Variants in DEFB1 observed in about 807,000 individuals in gnomAD.
The protein encoded by DEFB1 is beta-defensin 1.
A neutral mutation model predicts 2.6 loss-of-function variants in DEFB1; 4 were observed. The ratio of observed to expected loss-of-function variants is 1.53; its 90% confidence interval spans 0.76 to 3.51. The LOEUF is 3.51. Ranked by LOEUF, DEFB1 falls within the 30% of genes most tolerant of loss-of-function variation. The pLI is 0.01. For synonymous variants in DEFB1, 56 were observed against 28.5 expected (o/e 1.96, Z -3.07); for missense variants, 162 against 76.9 (o/e 2.11, Z -4.14).
intron 1 of DEFB1, among the ~76,000 whole-genome samples, chr8:6,873,518 G>A (rs1455531306): frequency 6.6e-6 from 1 of 152,170 alleles, no homozygotes; most frequent in African/African-American, 2.4e-5. Context: ...AGGAGACTAC[G>A]CAGCCATAAA....
intron 1 of DEFB1, among the ~76,000 whole-genome samples, chr8:6,871,080 C>T (rs990549632): frequency 6.6e-6 from 1 of 152,224 alleles, no homozygotes; most frequent in Non-Finnish European, 1.5e-5. Context: ...GGGTTTTCTT[C>T]TGCTGAGAGA....
intron 1 of DEFB1, among the ~76,000 whole-genome samples, chr8:6,876,864 A>C (rs1313805854): frequency 9.9e-5 from 15 of 150,762 alleles, no homozygotes; most frequent in African/African-American, 3.2e-4. Context: ...AAACAAAAAA[A>C]CAAAATCCAT....
intron 1 of DEFB1, among the ~76,000 whole-genome samples, chr8:6,877,142 T>G (rs1370836952): frequency 6.6e-6 from 1 of 152,120 alleles, no homozygotes; most frequent in Non-Finnish European, 1.5e-5. Context: ...AGGGCTGGGA[T>G]AAAACATGTT....
rs180984076 is a variant in DEFB1, at chr8:6,874,056, G to A, written c.62-3230C>T. Reference sequence around the variant, plus strand: ...TAGTGTAATCTAAATGCTTCTGAAGGTTTTTGTTTTCCAATAATTGTGGAC... The same window carrying A: ...TAGTGTAATCTAAATGCTTCTGAAGATTTTTGTTTTCCAATAATTGTGGAC... On this transcript the variant is annotated intron_variant, in intron 1 of 1. Transcript: ENST00000297439. 7.9e-5 allele frequency among the ~76,000 whole-genome samples: 12 copies of A among 152,020 alleles called. No homozygotes were observed. The East Asian group carries it at 1.4e-3, about 17-fold the overall frequency.
intron 1 of DEFB1, among the ~76,000 whole-genome samples, chr8:6,873,008 C>T (rs964853176): frequency 2.6e-5 from 4 of 152,184 alleles, no homozygotes; most frequent in Admixed American, 6.5e-5. Context: ...ACTTTGAAAT[C>T]GAGAAGGTTT....
At chr8:6,871,798 A>C (rs978423427) in intron 1 of DEFB1, among the ~76,000 whole-genome samples, 3 of 152,220 alleles carry the variant, frequency 2.0e-5, no homozygotes, top group South Asian at 2.1e-4. Context: ...AGAAGAAGCC[A>C]ACCCTGCTTC....
At chr8:6,875,105 CACA>C (rs1563397722) in intron 1 of DEFB1, among the ~76,000 whole-genome samples, 10 of 145,176 alleles carry the variant, frequency 6.9e-5, no homozygotes, top group East Asian at 3.9e-4. Context: ...CACACACACA[CACA>C]CCCCATTGCC....
chr8:6,870,617 A>G lies in DEFB1; in HGVS notation c.*64T>C. ...TATACTTCAAAAGCAATTTTCCTTT[A>G]TTAAAAGAATGCTTATAAAAAGTTC... On this transcript the variant is annotated 3_prime_UTR_variant, in exon 2 of 2. Transcript: ENST00000297439. 6.4e-7 allele frequency: 1 copy of G among 1,570,440 alleles called. No homozygotes were observed. Among genetic ancestry groups the G allele is most frequent in the African/African-American group, 1.4e-5 (1 of 73,284 alleles).
Position 6,870,803 on chromosome 8 carries a change from C to G in DEFB1, c.85G>C (p.Gly29Arg). 1.2e-6 allele frequency: 2 copies of G among 1,613,564 alleles called. No individual in the cohort carries two copies. The highest frequency in any genetic ancestry group is 1.7e-6 in the Non-Finnish European group (2 of 1,179,830). Residue 29 changes from glycine to arginine, a missense_variant, in exon 2 of 2, where the codon GGC (glycine) becomes CGC (arginine). Coordinates refer to ENST00000297439, the MANE Select transcript of DEFB1 (RefSeq NM_005218.4). ...ASGGNFLTGL[G>R]HRSDHYNCVS... is the part of the protein sequence containing the mutation. ...CAATTGTAATGATCAGATCTGTGGC[C>G]AAGGCCTGTGAGAAAGTTACCACCT...
chr8:6,870,946 A>G, intron 1 of DEFB1, 120 bp from the exon 2 acceptor site: 1 of 1,160,866 alleles, frequency 8.6e-7, no homozygotes, highest in Non-Finnish European at 1.2e-6. Context: ...CTTCCAAGAA[A>G]TTGGCCCATG....
rs773207188 is a variant in DEFB1 at position 6,870,763 on chromosome 8, C to A, written c.125G>T (p.Gly42Val). 4 of 1,614,100 alleles carry A rather than the reference C, an allele frequency of 2.5e-6. No homozygotes were observed. Among genetic ancestry groups the A allele is most frequent in the Non-Finnish European group, 3.4e-6 (4 of 1,180,056 alleles). ...SDHYNCVSSG[G>V]QCLYSACPIF... ...CGGGCAGGCAGAATAGAGACATTGC[C>A]CTCCACTGCTGACGCAATTGTAATG... Residue 42 changes from glycine (G) to valine (V), a missense_variant, in exon 2 of 2, where the codon GGG (glycine) becomes GTG (valine). Gly to Val is a moderately radical substitution (Grantham distance 109, BLOSUM62 -3). Transcript: ENST00000297439.
In DEFB1 at chr8:6,877,714, C is replaced by T. The variant is rs5743420; in HGVS notation, c.61+83G>A. 7,502 of 1,262,174 alleles carry T rather than the reference C, an allele frequency of 5.9e-3. 269 individuals are homozygous for T. In the Admixed American group the frequency reaches 0.076, roughly 13 times the overall value. The allele number at this position is 1,262,174 out of a possible 1,614,324, so 78.2% of individuals were successfully genotyped here. On this transcript the variant is annotated intron_variant, in intron 1 of 1. Coordinates refer to ENST00000297439, the MANE Select transcript of DEFB1 (RefSeq NM_005218.4). ...TGCTTGTTCCTCGTCCCTTGGGACA[C>T]GGAGGCAGCCATCCGAGACTCACAT...
intron 1 of DEFB1, among the ~76,000 whole-genome samples, chr8:6,875,397 A>G (rs1342124560): frequency 1.3e-5 from 2 of 152,198 alleles, no homozygotes; most frequent in African/African-American, 4.8e-5. Context: ...TGCATAGAAA[A>G]TACATAAAGA....
Position 6,877,927 on chromosome 8 carries a change from A to G in DEFB1, c.-70T>C. 2 of 1,429,722 alleles carry G rather than the reference A, an allele frequency of 1.4e-6. No homozygotes were observed. Among genetic ancestry groups the G allele is most frequent in the South Asian group, 1.2e-5 (1 of 86,912 alleles). The allele number at this position is 1,429,722 out of a possible 1,614,324, so 88.6% of individuals were successfully genotyped here. On this transcript the variant is annotated 5_prime_UTR_variant, in exon 1 of 2. Transcript: ENST00000297439. ...GCTGGCTCCTTTGGAGGCTGAGCTG[A>G]CAGAGGCTTCCAGAGGCTGGAGCGT...
chr8:6,877,774 CTCT>C lies in DEFB1; in HGVS notation c.61+20_61+22del. On this transcript the variant is annotated intron_variant, in intron 1 of 1. Transcript: ENST00000297439. ...TGTCCCCAGCCCTGGGGATGGGAAA[CTCT>C]TGCAGGTACCAGAGCTTACCTGAGG... The C allele has an allele frequency of 6.2e-7, 1 of 1,609,978 alleles. No individual in the cohort carries two copies. The highest frequency in any genetic ancestry group is 1.1e-5 in the South Asian group (1 of 90,938).
chr8:6,870,686 T>G lies in DEFB1; in HGVS notation c.202A>C (p.Lys68Gln). Reference sequence around the variant, plus strand: ...TTCTTCTGGTCACTCCCAGCTCACTTGCAGCACTTGGCCTTCCCTCTGTAA... The same window carrying G: ...TTCTTCTGGTCACTCCCAGCTCACTGGCAGCACTTGGCCTTCCCTCTGTAA... ...TCYRGKAKCC[K>Q] is the part of the protein sequence containing the mutation. The change falls in exon 2 of 2, where the codon AAG (lysine) becomes CAG (glutamine). Residue 68 changes from lysine to glutamine, a missense_variant. Coordinates refer to ENST00000297439, the MANE Select transcript of DEFB1 (RefSeq NM_005218.4). 1 of 1,613,794 alleles carries G rather than the reference T, an allele frequency of 6.2e-7. No individual in the cohort carries two copies. The highest frequency in any genetic ancestry group is 8.5e-7 in the Non-Finnish European group (1 of 1,179,960).
At chr8:6,873,065 G>GTA (rs1806380600) in intron 1 of DEFB1, among the ~76,000 whole-genome samples, 1 of 152,202 alleles carries the variant, frequency 6.6e-6, no homozygotes, top group Non-Finnish European at 1.5e-5. Context: ...AAATGGTTGG[G>GTA]TGTATATATG....
intron 1 of DEFB1, among the ~76,000 whole-genome samples, chr8:6,874,559 A>C (rs1400318283): frequency 6.6e-6 from 1 of 152,264 alleles, no homozygotes; most frequent in Non-Finnish European, 1.5e-5. Context: ...CAATGTGCTT[A>C]TGGCACAAGG....
chr8:6,877,061 C>G (rs1189557501), intron 1 of DEFB1, among the ~76,000 whole-genome samples: 1 of 152,148 alleles, frequency 6.6e-6, no homozygotes, highest in African/African-American at 2.4e-5. Context: ...TCAGGATCAT[C>G]CTTCCCAGCC....
Sources: gnomAD v4.1 joint callset for allele counts (sites outside exome capture counted in the v4.1 genomes callset) on GRCh38, gnomAD v4.1.1 for gene constraint, MANE v1.5 for transcripts, NCBI Gene and HGNC (gene_info 2026-07-23, HGNC 2026-07-21) for gene names.